The following RGMA variants were observed in gnomAD, a reference collection of about 807,000 sequenced individuals.
The protein encoded by RGMA is repulsive guidance molecule A.
RGMA carries 10 observed loss-of-function variants against 23.2 expected under a neutral mutation model. The ratio of observed to expected loss-of-function variants is 0.43; its 90% CI spans 0.27 to 0.73. The LOEUF (loss-of-function observed/expected upper bound fraction) is 0.73, where lower values mean the gene tolerates loss of function less well. Among genes scored for constraint, RGMA ranks in the 30% least tolerant of loss-of-function variants. The pLI is 0.20. For missense variants in RGMA, 547 were observed against 630.5 expected, an observed-to-expected ratio of 0.87 and a Z score of 1.42; for synonymous variants, 308 against 279.3, an observed-to-expected ratio of 1.10 and a Z score of -1.03.
Position 93,038,374 on chromosome 15 carries a change from G to C in RGMA, c.*6624C>G, listed in dbSNP as rs1016663401. 50 of 152,156 alleles carry C rather than the reference G, an allele frequency of 3.3e-4. No homozygotes were observed. The highest frequency in any genetic ancestry group is 1.2e-3 in the African/African-American group (48 of 41,434). 9.4% of individuals were successfully genotyped at this position (152,156 alleles called of 1,614,324 possible). The stretch of plus-strand genomic sequence containing the variant: ...GACCATACCTGAGATTTGCACACAG[G>C]AAAGTGCAGTCCCTGCCCTTGTGTG... On this transcript the variant is annotated 3_prime_UTR_variant, in exon 4 of 4. Transcript: ENST00000329082.
At chr15:93,078,233 CCTGT>C (rs1237747769) in intron 1 of RGMA, among the ~76,000 whole-genome samples, 3 of 152,102 alleles carry the variant, frequency 2.0e-5, no homozygotes, top group Non-Finnish European at 4.4e-5. Flanking sequence ...CTAACAGATC[CCTGT>C]CTAATATGGA....
chr15:93,066,261 T>A, intron 2 of RGMA: 1 of 1,158,680 alleles, frequency 8.6e-7, no homozygotes. Context: ...AATAGCTGTC[T>A]GGTGAACAAA....
intron 2 of RGMA, among the ~76,000 whole-genome samples, chr15:93,071,191 T>A (rs886647682): frequency 2.6e-5 from 4 of 152,252 alleles, no homozygotes; most frequent in African/African-American, 9.7e-5. Context: ...CCAATGGGCT[T>A]GATCTTTATC....
chr15:93,059,911 G>A (rs980564400), intron 2 of RGMA, among the ~76,000 whole-genome samples: 4 of 152,334 alleles, frequency 2.6e-5, no homozygotes, highest in African/African-American at 9.6e-5. Flanking sequence ...ATGGAAAGAA[G>A]GAAGGAAAGT....
At chr15:93,073,467 G>A (rs1324787663) in intron 1 of RGMA, 10 of 1,076,124 alleles carry the variant, frequency 9.3e-6, no homozygotes, top group African/African-American at 3.2e-5. Context: ...TTGGGAGGCC[G>A]CAGGGCATGA....
At chr15:93,078,869 G>A (rs942393649) in intron 1 of RGMA, among the ~76,000 whole-genome samples, 5 of 152,198 alleles carry the variant, frequency 3.3e-5, no homozygotes, top group African/African-American at 1.2e-4. Flanking sequence ...CAAACATTTT[G>A]CAAAGACCCC....
In RGMA at chr15:93,042,820, C is replaced by G. The variant is rs1212203842; in HGVS notation, c.*2178G>C. On this transcript the variant is annotated 3_prime_UTR_variant, in exon 4 of 4. Coordinates refer to ENST00000329082, the MANE Select transcript of RGMA (RefSeq NM_020211.3). ...CGTGGACAGCAGCCTCCTGCAGCACCACTGCTCCGCCCGGGCTATGAGAAG... is the reference window on the plus strand; with the variant it reads ...CGTGGACAGCAGCCTCCTGCAGCACGACTGCTCCGCCCGGGCTATGAGAAG... 1.3e-5 allele frequency: 2 copies of G among 152,344 alleles called. No homozygotes were observed. The highest frequency in any genetic ancestry group is 4.8e-5 in the African/African-American group (2 of 41,458). The allele number at this position is 152,344 out of a possible 1,614,324, so 9.4% of individuals were successfully genotyped here. A position where few individuals can be genotyped will look rare whatever the true frequency, so the allele number is the denominator to read the frequency against.
rs529737582 is a variant in RGMA at position 93,049,507 on chromosome 15, G to A, written c.645+2486C>T. On this transcript the variant is annotated intron_variant, in intron 3 of 3. Transcript: ENST00000329082. ...AGCAGGAGGCTGGGCACAGAAGGCT[G>A]TCCCACGGGGGTAAGACACTGGCTA... is the stretch of plus-strand genomic sequence containing the variant. 2.0e-4 allele frequency among the ~76,000 whole-genome samples: 31 copies of A among 152,326 alleles called. No homozygotes were observed. The East Asian group carries it at 2.3e-3, about 11-fold the overall frequency.
chr15:93,078,154 T>C (rs1895503138), intron 1 of RGMA, among the ~76,000 whole-genome samples: 1 of 152,208 alleles, frequency 6.6e-6, no homozygotes, highest in South Asian at 2.1e-4. Flanking sequence ...GCTACCCTAG[T>C]ACCTCTTCCA....
chr15:93,060,664 A>G (rs1202782140), intron 2 of RGMA, among the ~76,000 whole-genome samples: 1 of 152,224 alleles, frequency 6.6e-6, no homozygotes, highest in African/African-American at 2.4e-5. Flanking sequence ...TTTATCAAAG[A>G]GCCCCAACAA....
rs34315043 is a variant in RGMA, at chr15:93,051,708, C to T, written c.645+285G>A. ...TGGGGCAAATTCTAGCTCAGCATTC[C>T]AGCTGACTACGCACTTGGGGTGGGA... On this transcript the variant is annotated intron_variant, in intron 3 of 3. Coordinates refer to ENST00000329082, the MANE Select transcript of RGMA (RefSeq NM_020211.3). Among the ~76,000 whole-genome samples, 362 of 152,342 alleles carry T rather than the reference C, an allele frequency of 2.4e-3. 1 individual carries two copies. The highest frequency in any genetic ancestry group is 4.1e-3 in the Non-Finnish European group (276 of 68,034).
chr15:93,088,653 T>C, intron 1 of RGMA: 3 of 982,188 alleles, frequency 3.1e-6, no homozygotes, highest in Non-Finnish European at 4.1e-6. Flanking sequence ...AAGGGACGTG[T>C]GCCGGGTCTG....
At chr15:93,065,243 T>G (rs1195151280) in intron 2 of RGMA, among the ~76,000 whole-genome samples, 2 of 151,626 alleles carry the variant, frequency 1.3e-5, no homozygotes, top group Non-Finnish European at 2.9e-5. Context: ...GCTTCAGAGG[T>G]TGGGGGCCGG....
At chr15:93,065,808 A>G (rs1895125117) in intron 2 of RGMA, 2 of 903,292 alleles carry the variant, frequency 2.2e-6, no homozygotes, top group Non-Finnish European at 3.6e-6. Flanking sequence ...CTGGGCCAGA[A>G]TTGAGGTAGG....
intron 2 of RGMA, among the ~76,000 whole-genome samples, chr15:93,056,216 A>G (rs954895035): frequency 1.3e-5 from 2 of 152,176 alleles, no homozygotes; most frequent in African/African-American, 4.8e-5. Flanking sequence ...CTAGTGCCTG[A>G]TGGAGCCGGG....
chr15:93,086,521 TA>T (rs1320304678), intron 1 of RGMA, among the ~76,000 whole-genome samples: 3 of 152,112 alleles, frequency 2.0e-5, no homozygotes, highest in Non-Finnish European at 4.4e-5. Flanking sequence ...AGCAAGGTTG[TA>T]GGGGGAAAAA....
chr15:93,054,932 GC>G (rs1330395592), intron 2 of RGMA, among the ~76,000 whole-genome samples: 2 of 151,186 alleles, frequency 1.3e-5, no homozygotes, highest in Admixed American at 1.3e-4. Flanking sequence ...CTTCCCTGCC[GC>G]CCCCTGATAA....
rs903329325 is a variant in RGMA at position 93,088,957 on chromosome 15, G to A, written c.-25C>T. The A allele has an allele frequency of 7.9e-6, 11 of 1,386,354 alleles. No individual in the cohort carries two copies. Among genetic ancestry groups the A allele is most frequent in the Non-Finnish European group, 9.3e-6 (10 of 1,077,252 alleles). The allele number at this position is 1,386,354 out of a possible 1,614,324, so 85.9% of individuals were successfully genotyped here. On this transcript the variant is annotated 5_prime_UTR_variant, in exon 1 of 4. Transcript: ENST00000329082. ...TGAGCCCCTGCGGCCCGCGGGGGGT[G>A]GCGCTGGCGGGGCTGCGGGAGAAGA...
intron 1 of RGMA, among the ~76,000 whole-genome samples, chr15:93,086,050 C>T (rs1244806098): frequency 1.3e-5 from 2 of 152,166 alleles, no homozygotes; most frequent in African/African-American, 4.8e-5. Flanking sequence ...AAAAGAGGAG[C>T]CTGTCTTTTG....
Sources: gnomAD v4.1 joint callset for allele counts (sites outside exome capture counted in the v4.1 genomes callset) on GRCh38, gnomAD v4.1.1 for gene constraint, MANE v1.5 for transcripts, NCBI Gene and HGNC (gene_info 2026-07-23, HGNC 2026-07-21) for gene names.